Variants in CLNK observed in about 807,000 individuals in gnomAD.
CLNK encodes the protein cytokine-dependent hematopoietic cell linker.
A neutral mutation model predicts 68.6 loss-of-function variants in CLNK; 74 were observed. The observed-to-expected ratio is 1.08, with a 90% CI of 0.89 to 1.31. The LOEUF (loss-of-function observed/expected upper bound fraction) is 1.31, where lower values mean the gene tolerates loss of function less well. CLNK is among the 50% of genes most tolerant of loss of function. CLNK has a pLI of 0.00. For missense variants in CLNK, 553 were observed against 515.3 expected, an observed-to-expected ratio of 1.07 and a Z score of -0.71; for synonymous variants, 198 against 172.2, an observed-to-expected ratio of 1.15 and a Z score of -1.17.
intron 8 of CLNK, among the ~76,000 whole-genome samples, chr4:10,557,747 A>G (rs1049802229): frequency 9.2e-5 from 14 of 152,226 alleles, no homozygotes; most frequent in African/African-American, 3.1e-4. Context: ...CTAGTAATAC[A>G]TTATAGATGA....
rs2903960 is a variant in CLNK, at chr4:10,501,313, T to A, written c.1083A>T (p.Ile361=). ...FYENKVYNVK[I]RFLERNQQFA... is the part of the protein sequence containing the mutation. ...ACTGCTGATTCCTCTCCAGGAAGCG[T>A]ATTTTTACATTGTAGACTTTGTTCT... The change falls in exon 18 of 19, where the codon ATA becomes ATT. Residue 361 remains isoleucine, a synonymous_variant. Coordinates refer to ENST00000226951, the MANE Select transcript of CLNK (RefSeq NM_052964.4). 6.2e-7 allele frequency: 1 copy of A among 1,607,334 alleles called. No individual in the cohort carries two copies.
intron 3 of CLNK, among the ~76,000 whole-genome samples, chr4:10,591,692 C>T (rs772703382): frequency 1.1e-4 from 16 of 152,216 alleles, no homozygotes; most frequent in African/African-American, 2.2e-4. Context: ...AACTACTCCA[C>T]GTGTGTGCAC....
At chr4:10,717,160 C>T in the CLNK span, among the ~76,000 whole-genome samples, 1 of 152,208 alleles carries the variant, frequency 6.6e-6, no homozygotes, top group East Asian at 1.9e-4. Context: ...GAAACTAGAG[C>T]TTTCCTCCTT....
the CLNK span, among the ~76,000 whole-genome samples, chr4:10,698,470 C>G: frequency 5.9e-5 from 9 of 152,076 alleles, no homozygotes; most frequent in East Asian, 1.7e-3. Flanking sequence ...TAAAATGTGA[C>G]AATATATATA....
intron 18 of CLNK, among the ~76,000 whole-genome samples, chr4:10,494,085 T>C (rs1716707236): frequency 6.6e-6 from 1 of 152,210 alleles, no homozygotes; most frequent in African/African-American, 2.4e-5. Flanking sequence ...ACTGTAAGCC[T>C]TTAGGAAGAG....
At chr4:10,677,822 G>A (rs527328780) in intron 1 of CLNK, among the ~76,000 whole-genome samples, 1 of 115,172 alleles carries the variant, frequency 8.7e-6, no homozygotes, top group South Asian at 2.8e-4. Flanking sequence ...TGTGAAAATG[G>A]ACTAATAAAA....
intron 2 of CLNK, among the ~76,000 whole-genome samples, chr4:10,646,470 G>T (rs928979926): frequency 6.6e-6 from 1 of 152,252 alleles, no homozygotes; most frequent in South Asian, 2.1e-4. Flanking sequence ...GCCTGATAAC[G>T]GGTTTCCAAG....
At chr4:10,625,959 C>A (rs966624274) in intron 2 of CLNK, among the ~76,000 whole-genome samples, 1 of 152,212 alleles carries the variant, frequency 6.6e-6, no homozygotes, top group African/African-American at 2.4e-5. Flanking sequence ...TCATTTCAAC[C>A]GTTCTTTTAA....
chr4:10,727,019 TC>T, the CLNK span, among the ~76,000 whole-genome samples: 1 of 152,214 alleles, frequency 6.6e-6, no homozygotes, highest in Non-Finnish European at 1.5e-5. Context: ...TGGAGTTTGT[TC>T]CTCAGACACA....
rs536814839 is a variant in CLNK at position 10,533,807 on chromosome 4, C to T, written c.603-1524G>A. On this transcript the variant is annotated intron_variant, in intron 11 of 18. Coordinates refer to ENST00000226951, the MANE Select transcript of CLNK (RefSeq NM_052964.4). ...AATTTAAAATGTAGATTTGAAGTTA[C>T]AAGTGTCAAGATGTGTTTGTCTCCA... is the stretch of plus-strand genomic sequence containing the variant. 3.4e-4 allele frequency among the ~76,000 whole-genome samples: 51 copies of T among 152,212 alleles called. 1 individual carries two copies. The highest frequency in any genetic ancestry group is 1.0e-3 in the African/African-American group (43 of 41,522).
the CLNK span, among the ~76,000 whole-genome samples, chr4:10,715,903 A>G: frequency 6.6e-6 from 1 of 152,204 alleles, no homozygotes; most frequent in African/African-American, 2.4e-5. Context: ...AAGAGCTCGT[A>G]GCTGCTTGGC....
chr4:10,642,034 T>A (rs1164971796), intron 2 of CLNK, among the ~76,000 whole-genome samples: 2 of 152,160 alleles, frequency 1.3e-5, no homozygotes, highest in Non-Finnish European at 2.9e-5. Context: ...TCTTTATAAA[T>A]TACCGAGTCT....
intron 16 of CLNK, among the ~76,000 whole-genome samples, chr4:10,509,857 AC>A (rs1460507309): frequency 6.6e-6 from 1 of 151,684 alleles, no homozygotes; most frequent in East Asian, 1.9e-4. Context: ...CCTAGTCCCT[AC>A]CCCCAGGGGA....
intron 8 of CLNK, among the ~76,000 whole-genome samples, chr4:10,557,034 C>A (rs1349444543): frequency 6.6e-6 from 1 of 151,510 alleles, no homozygotes; most frequent in Non-Finnish European, 1.5e-5. Flanking sequence ...CAAGATCACG[C>A]CACTGCACTC....
At chr4:10,613,553 C>A (rs1169953143) in intron 2 of CLNK, among the ~76,000 whole-genome samples, 1 of 151,348 alleles carries the variant, frequency 6.6e-6, no homozygotes, top group African/African-American at 2.4e-5. Context: ...GGCTATGAAG[C>A]CATGTCAGGG....
At chr4:10,637,519 G>A (rs1368324426) in intron 2 of CLNK, among the ~76,000 whole-genome samples, 8 of 122,548 alleles carry the variant, frequency 6.5e-5, no homozygotes, top group African/African-American at 1.2e-4. Flanking sequence ...CAAAACATTA[G>A]AATCACATGT....
chr4:10,500,408 C>A (rs762580677), intron 18 of CLNK, among the ~76,000 whole-genome samples: 1 of 152,184 alleles, frequency 6.6e-6, no homozygotes, highest in Non-Finnish European at 1.5e-5. Flanking sequence ...TGGCTGGGCA[C>A]AGTGGCTCAC....
At chr4:10,694,122 A>C in the CLNK span, among the ~76,000 whole-genome samples, 278 of 151,986 alleles carry the variant, frequency 1.8e-3, 5 homozygotes, top group Admixed American at 2.2e-3. Flanking sequence ...ATCACCCCTG[A>C]GGATCCTACA....
chr4:10,650,492 T>C (rs371747897), intron 2 of CLNK, among the ~76,000 whole-genome samples: 9 of 152,132 alleles, frequency 5.9e-5, no homozygotes, highest in African/African-American at 1.9e-4. Flanking sequence ...GAGAAGATTT[T>C]AAAAGCATCC....
Sources: allele counts gnomAD v4.1 joint callset (sites outside exome capture counted in the v4.1 genomes callset), GRCh38; gene constraint gnomAD v4.1.1; transcripts MANE v1.5; gene names NCBI Gene and HGNC (gene_info 2026-07-23, HGNC 2026-07-21).